The following LINGO2 variants were observed in gnomAD, a reference collection of about 807,000 sequenced individuals.
LINGO2 encodes leucine-rich repeat and immunoglobulin-like domain-containing nogo receptor-interacting protein 2.
Under a neutral mutation model 30.6 loss-of-function variants are expected in LINGO2, and 14 were observed. The observed-to-expected ratio is 0.46, with a 90% CI of 0.30 to 0.72. LINGO2 has a LOEUF of 0.72. LINGO2 is among the 30% of genes least tolerant of loss of function. The probability of loss-of-function intolerance (pLI) is 0.07; values close to 1 mark genes in which losing one functional copy is unlikely to be tolerated. For synonymous variants in LINGO2, 317 were observed against 288.5 expected (o/e 1.10, Z -1.00); for missense variants, 729 against 751.7 (o/e 0.97, Z 0.35).
chr9:28,146,142 C>T lies in LINGO2; in HGVS notation c.-86-133737G>A, dbSNP rs150637575. 8.4e-3 allele frequency among the ~76,000 whole-genome samples: 1,281 copies of T among 152,304 alleles called. 22 individuals are homozygous for T. The highest frequency in any genetic ancestry group is 0.029 in the African/African-American group (1,224 of 41,558). ...ACAGCAGAAGCACACAGCCCTCATTCGTTATGAACTGCTAGCTGTACCACA... is the reference window on the plus strand; with the variant it reads ...ACAGCAGAAGCACACAGCCCTCATTTGTTATGAACTGCTAGCTGTACCACA... On this transcript the variant is annotated intron_variant, in intron 4 of 5. Coordinates refer to ENST00000379992, the Ensembl canonical transcript of LINGO2.
At chr9:28,438,219 G>A (rs1047515010) in intron 2 of LINGO2, among the ~76,000 whole-genome samples, 2 of 152,164 alleles carry the variant, frequency 1.3e-5, no homozygotes, top group African/African-American at 2.4e-5. Context: ...GTGAGCTAAA[G>A]GTTGCCCAGA....
chr9:28,520,381 A>G (rs897670960), intron 1 of LINGO2, among the ~76,000 whole-genome samples: 4 of 152,156 alleles, frequency 2.6e-5, no homozygotes, highest in Non-Finnish European at 4.4e-5. Context: ...AGATCTTTGC[A>G]TAGTTTCCTT....
the LINGO2 span, among the ~76,000 whole-genome samples, chr9:28,852,206 CTGTT>C: frequency 1.3e-5 from 2 of 152,070 alleles, no homozygotes; most frequent in South Asian, 4.1e-4. Flanking sequence ...AGGGCTAAGA[CTGTT>C]TGTTCATTAT....
chr9:28,520,591 C>A (rs1732881221), intron 1 of LINGO2, among the ~76,000 whole-genome samples: 1 of 152,100 alleles, frequency 6.6e-6, no homozygotes, highest in East Asian at 1.9e-4. Flanking sequence ...CAAGTTCCCT[C>A]AGGGCAGGTA....
chr9:28,519,434 G>C (rs60201106), intron 1 of LINGO2, among the ~76,000 whole-genome samples: 1 of 152,098 alleles, frequency 6.6e-6, no homozygotes, highest in Admixed American at 6.6e-5. Flanking sequence ...TCATTACTTA[G>C]TTAAGACTTC....
chr9:28,503,002 T>A (rs1051438760), intron 1 of LINGO2, among the ~76,000 whole-genome samples: 2 of 152,094 alleles, frequency 1.3e-5, no homozygotes, highest in Admixed American at 6.6e-5. Flanking sequence ...TGTGAGCACT[T>A]AGAGGCAAAA....
intron 4 of LINGO2, among the ~76,000 whole-genome samples, chr9:28,018,098 G>A (rs1822931567): frequency 6.6e-6 from 1 of 152,076 alleles, no homozygotes; most frequent in African/African-American, 2.4e-5. Context: ...ACAAAAGCAA[G>A]CAATGGGGAA....
At chr9:28,570,500 T>G (rs1823633686) in intron 1 of LINGO2, among the ~76,000 whole-genome samples, 1 of 151,878 alleles carries the variant, frequency 6.6e-6, no homozygotes, top group African/African-American at 2.4e-5. Flanking sequence ...GGGGGAAATT[T>G]ATTTTGGTAT....
chr9:28,020,558 AAACAAAAC>A (rs1823065420), intron 4 of LINGO2, among the ~76,000 whole-genome samples: 2 of 136,760 alleles, frequency 1.5e-5, no homozygotes, highest in African/African-American at 5.6e-5. Context: ...AAACAAAACA[AAACAAAAC>A]AAAACAAACA....
At position 28,250,783 on chromosome 9, in the gene LINGO2, C is replaced by T. The variant is rs570079954; in HGVS notation, c.-87+44425G>A. On this transcript the variant is annotated intron_variant, in intron 4 of 5. Transcript: ENST00000379992. ...ACTTATGCCCTATCTGGCAGTAATA[C>T]GGCACGCTTCCCACTCCCTATTCAG... Among the ~76,000 whole-genome samples the T allele has an allele frequency of 6.6e-5, 10 of 152,304 alleles. 1 individual carries two copies. The highest frequency in any genetic ancestry group is 6.2e-4 in the South Asian group (3 of 4,824).
chr9:27,950,128 G>A (rs1823573936), exon 6 of LINGO2: 1 of 1,613,924 alleles, frequency 6.2e-7, no homozygotes, highest in African/African-American at 1.3e-5. Flanking sequence ...TCCAGGGTGA[G>A]CTGCTCCAAG....
chr9:28,956,276 GA>G, the LINGO2 span, among the ~76,000 whole-genome samples: 1 of 151,930 alleles, frequency 6.6e-6, no homozygotes, highest in Non-Finnish European at 1.5e-5. Context: ...TTGGAGAGGG[GA>G]AAAAAACATG....
chr9:28,027,991 TA>T (rs1823466341), intron 4 of LINGO2, among the ~76,000 whole-genome samples: 1 of 152,152 alleles, frequency 6.6e-6, no homozygotes. Context: ...AAATGATTCA[TA>T]AATGGAGGTT....
At chr9:28,894,004 T>C in the LINGO2 span, among the ~76,000 whole-genome samples, 1 of 151,916 alleles carries the variant, frequency 6.6e-6, no homozygotes, top group South Asian at 2.1e-4. Context: ...ATGCAGCATT[T>C]GGTTTTTTGT....
At chr9:28,927,045 T>C in the LINGO2 span, among the ~76,000 whole-genome samples, 8 of 152,224 alleles carry the variant, frequency 5.3e-5, no homozygotes, top group Non-Finnish European at 1.0e-4. Flanking sequence ...TGATTTATAT[T>C]TTATTGTTGT....
At position 28,044,017 on chromosome 9, in the gene LINGO2, C is replaced by T. The variant is rs80052218; in HGVS notation, c.-86-31612G>A. Among the ~76,000 whole-genome samples, 469 of 152,202 alleles carry T rather than the reference C, an allele frequency of 3.1e-3. 17 individuals carry two copies. In the South Asian group the frequency reaches 0.068, roughly 22 times the overall value. On this transcript the variant is annotated intron_variant, in intron 4 of 5. Transcript: ENST00000379992. ...TCCCCATTTGGTTTGGAGTATTCTT[C>T]GAATGTGAAGCTCCATGCCTTTGTA... is the stretch of plus-strand genomic sequence containing the variant.
intron 2 of LINGO2, among the ~76,000 whole-genome samples, chr9:28,465,311 G>C (rs1437916316): frequency 6.6e-6 from 1 of 152,172 alleles, no homozygotes; most frequent in Non-Finnish European, 1.5e-5. Flanking sequence ...AGGGGATAAA[G>C]TGGGAAGGCG....
At chr9:28,900,814 T>C in the LINGO2 span, among the ~76,000 whole-genome samples, 119 of 152,246 alleles carry the variant, frequency 7.8e-4, no homozygotes, top group Middle Eastern at 6.8e-3. Flanking sequence ...AAAGCATCAG[T>C]AGTGGATTCT....
At chr9:28,974,935 C>A in the LINGO2 span, among the ~76,000 whole-genome samples, 1 of 152,070 alleles carries the variant, frequency 6.6e-6, no homozygotes, top group Admixed American at 6.6e-5. Flanking sequence ...GTCAGAATTT[C>A]TTGGACTGTA....
Sources: allele counts gnomAD v4.1 joint callset (sites outside exome capture counted in the v4.1 genomes callset), GRCh38; gene constraint gnomAD v4.1.1; transcripts MANE v1.5; gene names NCBI Gene and HGNC (gene_info 2026-07-23, HGNC 2026-07-21).